The following C11orf65 variants were observed in gnomAD, a reference collection of about 807,000 sequenced individuals.
The protein encoded by C11orf65 is protein MFI.
C11orf65 carries 38 observed loss-of-function variants against 35.3 expected under a neutral mutation model. The ratio of observed to expected loss-of-function variants is 1.08; its 90% CI spans 0.83 to 1.41. The LOEUF (loss-of-function observed/expected upper bound fraction) is 1.41. C11orf65 is among the 40% of genes most tolerant of loss of function. C11orf65 has a pLI of 0.00. For missense variants in C11orf65, 370 were observed against 367.1 expected (o/e 1.01, Z -0.06); for synonymous variants, 105 against 114.4 (o/e 0.92, Z 0.53).
At chr11:108,353,135 TATCTC>T (rs1334717567) in intron 2 of C11orf65, among the ~76,000 whole-genome samples, 4 of 152,152 alleles carry the variant, frequency 2.6e-5, no homozygotes, top group Admixed American at 2.6e-4. Context: ...AACATATAAT[TATCTC>T]ATAAAATGTC....
At chr11:108,421,280 C>T (rs939049589) in intron 3 of C11orf65, among the ~76,000 whole-genome samples, 2 of 152,108 alleles carry the variant, frequency 1.3e-5, no homozygotes, top group African/African-American at 4.8e-5. Flanking sequence ...TATAAGCTGG[C>T]CCATCCCTGT....
chr11:108,396,225 TG>T (rs2138479230), intron 6 of C11orf65, among the ~76,000 whole-genome samples: 1 of 152,130 alleles, frequency 6.6e-6, no homozygotes, highest in African/African-American at 2.4e-5. Flanking sequence ...TTCAACTAGC[TG>T]GGATCACAGG....
In C11orf65 at chr11:108,407,136, T is replaced by C. The variant is rs773626523; in HGVS notation, c.188A>G (p.Asp63Gly). The change falls in exon 4 of 9, where the codon GAT becomes GGT. Residue 63 changes from aspartate to glycine, a missense_variant. Transcript: ENST00000393084. The part of the protein sequence containing the change: ...YINPKEAELL[D>G]AAAGIHVRFR... ...TCGCACATGAATGCCAGCAGCAGCATCTAGAAGCTCTGCCTATAAGAAAAT... is the reference window on the plus strand; with the variant it reads ...TCGCACATGAATGCCAGCAGCAGCACCTAGAAGCTCTGCCTATAAGAAAAT... 11 of 1,606,352 alleles carry C rather than the reference T, an allele frequency of 6.8e-6. No homozygotes were observed. The highest frequency in any genetic ancestry group is 6.8e-6 in the Non-Finnish European group (8 of 1,174,782).
intron 3 of C11orf65, among the ~76,000 whole-genome samples, chr11:108,424,181 C>A (rs1411877412): frequency 6.6e-6 from 1 of 152,088 alleles, no homozygotes; most frequent in East Asian, 1.9e-4. Context: ...GAATTGCTAT[C>A]TAGAATAACC....
intron 3 of C11orf65, among the ~76,000 whole-genome samples, chr11:108,407,643 A>G (rs1433435481): frequency 6.6e-6 from 1 of 151,538 alleles, no homozygotes; most frequent in East Asian, 1.9e-4. Context: ...TTTTTTTTGT[A>G]ATTAGAAAAT....
intron 2 of C11orf65, among the ~76,000 whole-genome samples, chr11:108,373,841 C>T (rs1353013516): frequency 2.6e-5 from 4 of 152,236 alleles, no homozygotes; most frequent in Non-Finnish European, 1.5e-5. Flanking sequence ...GCTTTTCCGA[C>T]GGGCTTAGGA....
At chr11:108,360,706 T>G (rs2090623721) in intron 2 of C11orf65, among the ~76,000 whole-genome samples, 1 of 144,840 alleles carries the variant, frequency 6.9e-6, no homozygotes, top group South Asian at 2.3e-4. Context: ...CACATGATTA[T>G]CTCAATAGAT....
At chr11:108,314,421 G>T (rs538793641) in intron 6 of C11orf65, among the ~76,000 whole-genome samples, 1 of 151,356 alleles carries the variant, frequency 6.6e-6, no homozygotes, top group African/African-American at 2.4e-5. Flanking sequence ...ACAGTTTTAG[G>T]TGTTGACAAG....
At chr11:108,319,789 A>C (rs1159198407) in intron 6 of C11orf65, among the ~76,000 whole-genome samples, 2 of 152,262 alleles carry the variant, frequency 1.3e-5, no homozygotes, top group African/African-American at 4.8e-5. Flanking sequence ...TAAAGAATTT[A>C]AATGACTCAT....
In C11orf65 at chr11:108,363,642, C is replaced by T. The variant is rs2299655; in HGVS notation, c.227-28350G>A. Among the ~76,000 whole-genome samples, 4 of 152,266 alleles carry T rather than the reference C, an allele frequency of 2.6e-5. No homozygotes were observed. In the East Asian group the frequency reaches 7.7e-4, roughly 29 times the overall value. ...AGTTAGCCCCCACAGCAAAGAAATA[C>T]CCCATCCAAAATGACAATAGTGCTG... On this transcript the variant is annotated intron_variant, in intron 2 of 3. Transcript: ENST00000524755.
At position 108,382,970 on chromosome 11, in the gene C11orf65, T is replaced by C. The variant is rs1246689362; in HGVS notation, c.*51A>G. On this transcript the variant is annotated 3_prime_UTR_variant, in exon 9 of 9. Coordinates refer to ENST00000393084, the MANE Select transcript of C11orf65 (RefSeq NM_152587.5). ...GAATACACTATCTCTTGGCTATAAC[T>C]GATGGATGGAAGGCTCAAAGGGCTA... 1.9e-6 allele frequency: 3 copies of C among 1,602,778 alleles called. No individual in the cohort carries two copies. The highest frequency in any genetic ancestry group is 2.5e-6 in the Non-Finnish European group (3 of 1,176,700).
intron 2 of C11orf65, among the ~76,000 whole-genome samples, chr11:108,351,136 A>G (rs2089154844): frequency 6.6e-6 from 1 of 152,232 alleles, no homozygotes; most frequent in South Asian, 2.1e-4. Flanking sequence ...GCTAAGTGAA[A>G]GATTCCAACA....
intron 2 of C11orf65, among the ~76,000 whole-genome samples, chr11:108,370,949 C>A (rs1342010858): frequency 6.6e-6 from 1 of 151,996 alleles, no homozygotes; most frequent in East Asian, 1.9e-4. Flanking sequence ...AATTTTGAAT[C>A]CCAAGAAAAA....
Position 108,326,225 on chromosome 11 carries a change from G to C in C11orf65, c.641-17154C>G, listed in dbSNP as rs556778314. 3.2e-5 allele frequency: 51 copies of C among 1,613,584 alleles called. No homozygotes were observed. Among genetic ancestry groups the C allele is most frequent in the Non-Finnish European group, 3.6e-5 (42 of 1,179,938 alleles). On this transcript the variant is annotated intron_variant, in intron 6 of 6. Transcript: ENST00000525729. ...AGAAGTTGGATGCCAGCTGTGCAGC[G>C]GTTTGTTTTTTTTATTGGCTGGATT...
chr11:108,336,155 A>C, intron 2 of C11orf65: 1 of 504,704 alleles, frequency 2.0e-6, no homozygotes, highest in African/African-American at 1.9e-5. Context: ...AAAAAAAAAA[A>C]AGCCAGAGAT....
chr11:108,373,005 A>G (rs1758828983), intron 2 of C11orf65, among the ~76,000 whole-genome samples: 1 of 152,144 alleles, frequency 6.6e-6, no homozygotes, highest in Admixed American at 6.5e-5. Context: ...ACTTGAACCC[A>G]AGAGGCAGAG....
intron 2 of C11orf65, among the ~76,000 whole-genome samples, chr11:108,339,050 G>A (rs1158081229): frequency 6.6e-6 from 1 of 152,146 alleles, no homozygotes; most frequent in Admixed American, 6.5e-5. Context: ...GGAGAGACTT[G>A]TATATTGAGG....
chr11:108,309,794 T>A (rs2083990003), intron 6 of C11orf65, among the ~76,000 whole-genome samples: 1 of 152,106 alleles, frequency 6.6e-6, no homozygotes, highest in African/African-American at 2.4e-5. Context: ...AAAGTGTGTG[T>A]TGGGGGGTGC....
intron 2 of C11orf65, among the ~76,000 whole-genome samples, chr11:108,437,729 AAAAAAAAAAG>A (rs1230658351): frequency 1.1e-4 from 16 of 149,518 alleles, no homozygotes; most frequent in African/African-American, 3.7e-4. Flanking sequence ...AAAAAAAAAA[AAAAAAAAAAG>A]GATAAGGAAA....
Sources: gnomAD v4.1 joint callset for allele counts (sites outside exome capture counted in the v4.1 genomes callset) on GRCh38, gnomAD v4.1.1 for gene constraint, MANE v1.5 for transcripts, NCBI Gene and HGNC (gene_info 2026-07-23, HGNC 2026-07-21) for gene names.